Variants in ELF1 observed in about 807,000 individuals in gnomAD.
ELF1 encodes the protein ETS-related transcription factor Elf-1.
A neutral mutation model predicts 59.9 loss-of-function variants in ELF1; 24 were observed. The observed-to-expected ratio is 0.40, with a 90% CI of 0.29 to 0.56. The LOEUF is 0.56. ELF1 is among the 20% of genes least tolerant of loss of function. The probability of loss-of-function intolerance (pLI) is 0.44; values close to 1 mark genes in which losing one functional copy is unlikely to be tolerated. For missense variants in ELF1, 627 were observed against 742.2 expected (o/e 0.84, Z 1.80); for synonymous variants, 248 against 266.2 (o/e 0.93, Z 0.67).
intron 1 of ELF1, among the ~76,000 whole-genome samples, chr13:41,017,307 G>A (rs1239322442): frequency 6.6e-6 from 1 of 151,974 alleles, no homozygotes; most frequent in Non-Finnish European, 1.5e-5. Context: ...CTTGTGACTG[G>A]CACAAGCAGT....
chr13:41,017,961 A>G (rs1875511104), intron 1 of ELF1, among the ~76,000 whole-genome samples: 4 of 152,174 alleles, frequency 2.6e-5, no homozygotes, highest in Admixed American at 2.0e-4. Context: ...TCTTTCTTGT[A>G]AGACCGCAAA....
chr13:41,020,924 T>C (rs1473880527), upstream of ELF1, among the ~76,000 whole-genome samples: 1 of 152,146 alleles, frequency 6.6e-6, no homozygotes, highest in Non-Finnish European at 1.5e-5. Flanking sequence ...GCAACAGTAT[T>C]ATAAAAGGAT....
intron 1 of ELF1, among the ~76,000 whole-genome samples, chr13:41,024,550 A>AT (rs942843841): frequency 1.3e-5 from 2 of 151,786 alleles, no homozygotes; most frequent in African/African-American, 4.8e-5. Context: ...TAATTTTTGT[A>AT]TTTTTTTGTA....
At position 40,976,635 on chromosome 13, in the gene ELF1, G is replaced by A. The variant is rs186599753; in HGVS notation, c.72+5348C>T. 2.6e-3 allele frequency among the ~76,000 whole-genome samples: 401 copies of A among 152,260 alleles called. 1 individual carries two copies. The highest frequency in any genetic ancestry group is 4.5e-3 in the Non-Finnish European group (305 of 68,018). ...CAGCTCACTGCAACCTCCACCTACC[G>A]GGTTCAAGCAATTCTCTTGCCTCAG... On this transcript the variant is annotated intron_variant, in intron 2 of 8. Transcript: ENST00000239882.
intron 5 of ELF1, among the ~76,000 whole-genome samples, chr13:40,944,310 T>C (rs1005814354): frequency 4.6e-5 from 7 of 152,256 alleles, no homozygotes; most frequent in African/African-American, 1.7e-4. Flanking sequence ...TACAGTTTTG[T>C]CTGCCTATTA....
At chr13:40,951,308 T>A (rs759871364) in intron 4 of ELF1, 21 bp downstream of exon 4, 2 of 1,573,572 alleles carry the variant, frequency 1.3e-6, no homozygotes, top group Admixed American at 3.4e-5. Context: ...TACATAAACA[T>A]AAACAATCAT....
At chr13:40,948,328 G>A (rs1870629513) in intron 5 of ELF1, among the ~76,000 whole-genome samples, 1 of 152,188 alleles carries the variant, frequency 6.6e-6, no homozygotes, top group Non-Finnish European at 1.5e-5. Context: ...CCAATGGGTG[G>A]ATTTCTTTCC....
At chr13:41,000,903 C>T (rs941428784) in intron 1 of ELF1, among the ~76,000 whole-genome samples, 3 of 151,658 alleles carry the variant, frequency 2.0e-5, no homozygotes, top group Admixed American at 6.6e-5. Context: ...TTAGATACAA[C>T]GCAAAGAAAT....
chr13:41,042,215 GT>G (rs1876640729), intron 1 of ELF1, among the ~76,000 whole-genome samples: 1 of 151,744 alleles, frequency 6.6e-6, no homozygotes, highest in Non-Finnish European at 1.5e-5. Flanking sequence ...TAAAGGCAAA[GT>G]TTCACTTTGC....
At chr13:41,057,311 C>T (rs942683907) in intron 1 of ELF1, among the ~76,000 whole-genome samples, 3 of 150,726 alleles carry the variant, frequency 2.0e-5, no homozygotes, top group African/African-American at 4.9e-5. Flanking sequence ...CATGTGGCAT[C>T]ACACCTGGCT....
Position 40,973,996 on chromosome 13 carries a change from G to T in ELF1, c.72+7987C>A, listed in dbSNP as rs73176914. On this transcript the variant is annotated intron_variant, in intron 2 of 8. Coordinates refer to ENST00000239882, the MANE Select transcript of ELF1 (RefSeq NM_172373.4). Reference sequence around the variant, plus strand: ...ACATACAGAGACAGAAAGTAGATTAGTAGTTCCCAGGAGCTAGGAAGAGTG... The same window carrying T: ...ACATACAGAGACAGAAAGTAGATTATTAGTTCCCAGGAGCTAGGAAGAGTG... 4.9e-3 allele frequency among the ~76,000 whole-genome samples: 739 copies of T among 152,302 alleles called. 4 individuals carry two copies. The highest frequency in any genetic ancestry group is 5.6e-3 in the Non-Finnish European group (380 of 68,008).
chr13:41,029,190 C>T (rs1027284272), intron 1 of ELF1, among the ~76,000 whole-genome samples: 2 of 152,188 alleles, frequency 1.3e-5, no homozygotes, highest in Non-Finnish European at 2.9e-5. Context: ...GCTACAATTT[C>T]GTAATTGTCT....
At chr13:40,976,876 T>A (rs1872942412) in intron 2 of ELF1, among the ~76,000 whole-genome samples, 1 of 152,134 alleles carries the variant, frequency 6.6e-6, no homozygotes, top group South Asian at 2.1e-4. Context: ...GAATTAGCAG[T>A]CGGAGGAAGC....
At chr13:40,960,974 C>T (rs1162954634) in intron 2 of ELF1, among the ~76,000 whole-genome samples, 2 of 152,152 alleles carry the variant, frequency 1.3e-5, no homozygotes, top group African/African-American at 4.8e-5. Context: ...AGGTTCAAGC[C>T]ATCTTCTTAA....
intron 1 of ELF1, among the ~76,000 whole-genome samples, chr13:41,042,405 T>C (rs1449652985): frequency 2.0e-5 from 3 of 152,040 alleles, no homozygotes; most frequent in Admixed American, 2.0e-4. Context: ...GTATGCTGCA[T>C]CCATTAACTC....
chr13:40,933,325 A>C lies in ELF1; in HGVS notation c.*100T>G, dbSNP rs1277203793. On this transcript the variant is annotated 3_prime_UTR_variant, in exon 9 of 9. Coordinates refer to ENST00000239882, the MANE Select transcript of ELF1 (RefSeq NM_172373.4). ...TAACTCTATTTTTAACAATTACAAA[A>C]TTAGAAACCTCCTTAGAATTTATCT... 1 of 1,439,714 alleles carries C rather than the reference A, an allele frequency of 6.9e-7. No individual in the cohort carries two copies. 89.2% of individuals were successfully genotyped at this position (1,439,714 alleles called of 1,614,324 possible).
chr13:40,942,232 A>C (rs951881283), intron 7 of ELF1, among the ~76,000 whole-genome samples: 8 of 152,242 alleles, frequency 5.3e-5, no homozygotes, highest in African/African-American at 1.9e-4. Flanking sequence ...ATGTTAAAAA[A>C]ACCCAAAAAC....
At chr13:41,026,427 T>TA (rs1490100144) in intron 1 of ELF1, among the ~76,000 whole-genome samples, 1 of 152,208 alleles carries the variant, frequency 6.6e-6, no homozygotes, top group Non-Finnish European at 1.5e-5. Context: ...GGGCCCAGAA[T>TA]AGAAGGCTCT....
At chr13:41,041,109 T>C (rs541645663) in intron 1 of ELF1, among the ~76,000 whole-genome samples, 1 of 151,982 alleles carries the variant, frequency 6.6e-6, no homozygotes, top group East Asian at 1.9e-4. Context: ...GAGAAAATTA[T>C]AGGCACAAAC....
Sources: allele counts gnomAD v4.1 joint callset (sites outside exome capture counted in the v4.1 genomes callset), GRCh38; gene constraint gnomAD v4.1.1; transcripts MANE v1.5; gene names NCBI Gene and HGNC (gene_info 2026-07-23, HGNC 2026-07-21).